UTRN: variants seen among roughly 807,000 people sequenced by gnomAD.
UTRN encodes the protein utrophin.
In UTRN, 283 loss-of-function variants were observed where a neutral mutation model predicts 463.9. The observed-to-expected ratio is 0.61, with a 90% CI of 0.55 to 0.67. The LOEUF (loss-of-function observed/expected upper bound fraction) is 0.67, where lower values mean the gene tolerates loss of function less well. Among genes scored for constraint, UTRN ranks in the 30% least tolerant of loss-of-function variants. UTRN has a pLI of 0.00. For missense variants in UTRN, 3,922 were observed against 4,084.3 expected (o/e 0.96, Z 1.08); for synonymous variants, 1,442 against 1,431.5 (o/e 1.01, Z -0.17).
intron 54 of UTRN, among the ~76,000 whole-genome samples, chr6:144,742,248 C>A (rs1438591449): frequency 6.6e-6 from 1 of 152,078 alleles, no homozygotes; most frequent in Non-Finnish European, 1.5e-5. Flanking sequence ...ATTAAATGGA[C>A]ATAATTAGAA....
At position 144,493,503 on chromosome 6, in the gene UTRN, C is replaced by G. The variant is rs369755400; in HGVS notation, c.4593+47C>G. On this transcript the variant is annotated intron_variant, in intron 33 of 74. Transcript: ENST00000367545. ...CTCATCTCTCTGTCTCTCTCTCTCT[C>G]TCTCTCAATCTCTCTCTCTCTCTCG... The G allele has an allele frequency of 1.2e-5, 19 of 1,546,778 alleles. No individual in the cohort carries two copies. In the African/African-American group the frequency reaches 2.1e-4, roughly 17 times the overall value.
chr6:144,495,480 C>T (rs1394341944), intron 33 of UTRN, among the ~76,000 whole-genome samples: 3 of 152,238 alleles, frequency 2.0e-5, no homozygotes, highest in Non-Finnish European at 4.4e-5. Flanking sequence ...CTCCAGCTGG[C>T]CCACAAGCGT....
Position 144,511,055 on chromosome 6 carries a change from C to T in UTRN, c.4876C>T (p.Leu1626Phe), listed in dbSNP as rs774476158. The T allele has an allele frequency of 1.7e-5, 28 of 1,612,376 alleles. No homozygotes were observed. The highest frequency in any genetic ancestry group is 2.7e-5 in the African/African-American group (2 of 74,844). ...EGSEPILEER[L>F]CVLNAGWSRV... Reference sequence around the variant, plus strand: ...CAGTGAGCCTATTTTAGAAGAGAGGCTCTGCGTCCTTAACGCTGGGTGGAG... The same window carrying T: ...CAGTGAGCCTATTTTAGAAGAGAGGTTCTGCGTCCTTAACGCTGGGTGGAG... Residue 1626 changes from leucine to phenylalanine, a missense_variant, in exon 35 of 75, where the codon CTC becomes TTC. This residue lies in a region of UTRN where 2,349 missense variants were observed against 2,303.8 expected (regional missense o/e 1.02). Coordinates refer to ENST00000367545, the MANE Select transcript of UTRN (RefSeq NM_007124.3).
chr6:144,456,820 A>G (rs1414694580), intron 19 of UTRN, among the ~76,000 whole-genome samples: 1 of 152,178 alleles, frequency 6.6e-6, no homozygotes, highest in East Asian at 1.9e-4. Flanking sequence ...CATCTGGATA[A>G]TGTGGCTTTA....
intron 34 of UTRN, among the ~76,000 whole-genome samples, chr6:144,505,540 A>G (rs957003067): frequency 6.6e-6 from 1 of 152,202 alleles, no homozygotes; most frequent in Non-Finnish European, 1.5e-5. Flanking sequence ...CAGGTTGTGC[A>G]GCTTCCTTGT....
intron 46 of UTRN, among the ~76,000 whole-genome samples, chr6:144,546,733 C>T (rs569905502): frequency 1.3e-5 from 2 of 152,210 alleles, no homozygotes; most frequent in South Asian, 4.2e-4. Context: ...CACTTGAACT[C>T]AGGAGGTTGA....
chr6:144,383,347 G>A lies in UTRN; in HGVS notation c.80-19776G>A, dbSNP rs148694284. ...ACTTATCTCAGTGGCACCAGATTGA[G>A]TTAGGATTGAGTTTAGCTGCAAGTA... On this transcript the variant is annotated intron_variant, in intron 2 of 74. Coordinates refer to ENST00000367545, the MANE Select transcript of UTRN (RefSeq NM_007124.3). Among the ~76,000 whole-genome samples the A allele has an allele frequency of 1.8e-3, 274 of 152,308 alleles. 1 individual carries two copies. The highest frequency in any genetic ancestry group is 6.1e-3 in the African/African-American group (254 of 41,562).
At chr6:144,423,331 C>A (rs1314903801) in intron 4 of UTRN, among the ~76,000 whole-genome samples, 1 of 152,158 alleles carries the variant, frequency 6.6e-6, no homozygotes, top group African/African-American at 2.4e-5. Flanking sequence ...AACGTGCATG[C>A]AAGTTAGGGA....
chr6:144,317,999 C>T (rs1178710503), intron 2 of UTRN, among the ~76,000 whole-genome samples: 1 of 152,080 alleles, frequency 6.6e-6, no homozygotes, highest in Non-Finnish European at 1.5e-5. Context: ...GTATGTTTCA[C>T]CATTTTTTGA....
intron 35 of UTRN, among the ~76,000 whole-genome samples, chr6:144,512,440 G>A (rs1050521345): frequency 2.6e-5 from 4 of 151,792 alleles, no homozygotes; most frequent in African/African-American, 9.7e-5. Flanking sequence ...CCAGATCACT[G>A]TTGATATTTT....
At chr6:144,685,620 T>C (rs889232201) in intron 52 of UTRN, among the ~76,000 whole-genome samples, 1 of 152,182 alleles carries the variant, frequency 6.6e-6, no homozygotes, top group Non-Finnish European at 1.5e-5. Flanking sequence ...ATTAGTGATA[T>C]TGAGTGTTTC....
intron 7 of UTRN, among the ~76,000 whole-genome samples, chr6:144,428,025 A>G (rs928329763): frequency 5.3e-5 from 8 of 152,096 alleles, no homozygotes; most frequent in African/African-American, 1.9e-4. Flanking sequence ...GTAATGGGAG[A>G]TGAATTCAGG....
intron 51 of UTRN, among the ~76,000 whole-genome samples, chr6:144,659,426 C>G (rs113650857): frequency 2.6e-5 from 4 of 152,166 alleles, no homozygotes; most frequent in Non-Finnish European, 5.9e-5. Flanking sequence ...GCCACAAAGC[C>G]GGCAGAAGGG....
chr6:144,526,922 T>G (rs918520454), intron 41 of UTRN, among the ~76,000 whole-genome samples: 1 of 151,920 alleles, frequency 6.6e-6, no homozygotes, highest in African/African-American at 2.4e-5. Context: ...CAGCCTCCCA[T>G]GTAGCTGGGG....
At chr6:144,771,195 G>T (rs1793960675) in intron 58 of UTRN, among the ~76,000 whole-genome samples, 1 of 152,102 alleles carries the variant, frequency 6.6e-6, no homozygotes, top group African/African-American at 2.4e-5. Context: ...GTTTTAATTT[G>T]TAGTTTCAGT....
intron 9 of UTRN, among the ~76,000 whole-genome samples, chr6:144,433,329 T>A: frequency 6.8e-6 from 1 of 146,362 alleles, no homozygotes; most frequent in Non-Finnish European, 1.5e-5. Context: ...ACCCCCCACC[T>A]CCCTCCCGGA....
At chr6:144,315,679 A>G (rs1775236830) in intron 2 of UTRN, among the ~76,000 whole-genome samples, 2 of 152,218 alleles carry the variant, frequency 1.3e-5, no homozygotes, top group Non-Finnish European at 2.9e-5. Context: ...GTGCAAAGCA[A>G]AAGGTGTTCT....
chr6:144,594,951 G>C lies in UTRN; in HGVS notation c.7479+17663G>C, dbSNP rs9497013. Among the ~76,000 whole-genome samples the C allele has an allele frequency of 4.4e-3, 665 of 152,176 alleles. 3 individuals are homozygous for C. Among genetic ancestry groups the C allele is most frequent in the African/African-American group, 0.015 (642 of 41,524 alleles). ...TTATCTTAGAGAATTTGATAGTTTT[G>C]AGTTTTCTTAGTACTATCTAGGGCA... On this transcript the variant is annotated intron_variant, in intron 51 of 74. Transcript: ENST00000367545.
At position 144,484,897 on chromosome 6, in the gene UTRN, A is replaced by G. The variant is rs564129420; in HGVS notation, c.3688-488A>G. On this transcript the variant is annotated intron_variant, in intron 27 of 74. Coordinates refer to ENST00000367545, the MANE Select transcript of UTRN (RefSeq NM_007124.3). ...TCCCCACCCTTCACCAACTGGTCTC[A>G]TATGATTTTGTTGATTATTTTATTT... Among the ~76,000 whole-genome samples, 4 of 151,898 alleles carry G rather than the reference A, an allele frequency of 2.6e-5. No homozygotes were observed. The South Asian group carries it at 8.3e-4, about 32-fold the overall frequency.
Sources: gnomAD v4.1 joint callset for allele counts (sites outside exome capture counted in the v4.1 genomes callset) on GRCh38, gnomAD v4.1.1 for gene constraint, gnomAD v4.1.1 regional missense constraint, MANE v1.5 for transcripts, NCBI Gene and HGNC (gene_info 2026-07-23, HGNC 2026-07-21) for gene names.